The following DOCK3 variants were observed in gnomAD, a reference collection of about 807,000 sequenced individuals.
DOCK3 encodes dedicator of cytokinesis protein 3.
In DOCK3, 60 loss-of-function variants were observed where a neutral mutation model predicts 265.6. The ratio of observed to expected loss-of-function variants is 0.23; its 90% CI spans 0.18 to 0.28. DOCK3 has a LOEUF of 0.28. Among genes scored for constraint, DOCK3 ranks in the 10% least tolerant of loss-of-function variants. The pLI, the probability that DOCK3 is intolerant of heterozygous loss-of-function variation, is 1.00. For missense variants in DOCK3, 1,981 were observed against 2,594.3 expected, an observed-to-expected ratio of 0.76 and a Z score of 5.14; for synonymous variants, 881 against 938.0, an observed-to-expected ratio of 0.94 and a Z score of 1.11.
Position 51,277,686 on chromosome 3 carries a change from A to T in DOCK3, c.2755A>T (p.Met919Leu), listed in dbSNP as rs776605396. Residue 919 changes from methionine to leucine, a missense_variant, in exon 26 of 53, where the codon ATG becomes TTG. Met to Leu is a conservative substitution (Grantham distance 15). Around this residue, in one of 4 missense-constraint regions of DOCK3, gnomAD observed 1,357 missense variants for 1,866.8 expected, o/e 0.73. Coordinates refer to ENST00000266037, the MANE Select transcript of DOCK3 (RefSeq NM_004947.5). ...DVLLQTLLTI[M>L]SKSHAQEAVR... The stretch of plus-strand genomic sequence containing the variant: ...GCTCTTGCAGACTCTGCTCACCATC[A>T]TGAGCAAATCGCACGCTCAGGAGGC... The T allele has an allele frequency of 1.9e-6, 3 of 1,610,754 alleles. No individual in the cohort carries two copies. Among genetic ancestry groups the T allele is most frequent in the Admixed American group, 1.7e-5 (1 of 59,666 alleles).
chr3:50,864,618 G>A (rs1017728761), intron 3 of DOCK3, among the ~76,000 whole-genome samples: 10 of 151,812 alleles, frequency 6.6e-5, no homozygotes, highest in African/African-American at 2.4e-4. Flanking sequence ...GTTGATTTTT[G>A]TATATGGTTG....
intron 2 of DOCK3, among the ~76,000 whole-genome samples, chr3:50,801,791 T>G (rs1429382819): frequency 6.6e-6 from 1 of 152,144 alleles, no homozygotes; most frequent in Non-Finnish European, 1.5e-5. Flanking sequence ...TTGCTGAGAG[T>G]GGAGTGTTGA....
intron 14 of DOCK3, among the ~76,000 whole-genome samples, chr3:51,218,199 C>T (rs542376583): frequency 1.1e-4 from 16 of 152,024 alleles, no homozygotes; most frequent in South Asian, 4.2e-4. Context: ...TTTGGGAGGC[C>T]GAGGCAGGTG....
intron 32 of DOCK3, among the ~76,000 whole-genome samples, chr3:51,318,008 T>A (rs1018446297): frequency 5.9e-5 from 9 of 152,206 alleles, no homozygotes; most frequent in African/African-American, 1.2e-4. Context: ...TTTCCTTTTT[T>A]AAATAAATTT....
At chr3:51,328,287 C>G (rs1316536801) in intron 32 of DOCK3, among the ~76,000 whole-genome samples, 1 of 152,294 alleles carries the variant, frequency 6.6e-6, no homozygotes, top group East Asian at 1.9e-4. Context: ...AAGGCACAAT[C>G]TACCTATACC....
At chr3:51,312,101 A>G (rs1327018065) in intron 29 of DOCK3, 22 bp downstream of exon 29, 4 of 1,577,568 alleles carry the variant, frequency 2.5e-6, no homozygotes, top group Admixed American at 1.8e-5. Context: ...TGAAATATCC[A>G]TCACTATTAT....
At chr3:50,775,816 A>G (rs908011066) in intron 1 of DOCK3, among the ~76,000 whole-genome samples, 2 of 148,526 alleles carry the variant, frequency 1.3e-5, no homozygotes, top group African/African-American at 4.9e-5. Context: ...CGTAGCTCCC[A>G]CTTATAGATG....
intron 5 of DOCK3, among the ~76,000 whole-genome samples, chr3:51,009,530 A>G (rs1034084229): frequency 2.0e-5 from 3 of 151,970 alleles, no homozygotes; most frequent in Admixed American, 1.3e-4. Flanking sequence ...TATTCTTGCT[A>G]GCAGTCTATC....
At chr3:50,933,745 A>G (rs1559833125) in intron 4 of DOCK3, among the ~76,000 whole-genome samples, 1 of 152,204 alleles carries the variant, frequency 6.6e-6, no homozygotes, top group Non-Finnish European at 1.5e-5. Context: ...TAAGGATAGC[A>G]TTTATAAAAG....
At chr3:51,014,907 A>G (rs1055531785) in intron 5 of DOCK3, among the ~76,000 whole-genome samples, 6 of 152,020 alleles carry the variant, frequency 3.9e-5, no homozygotes, top group Non-Finnish European at 7.4e-5. Flanking sequence ...GGTACTGTAA[A>G]TGGGATTATT....
At chr3:50,821,441 A>G (rs1320988303) in intron 2 of DOCK3, among the ~76,000 whole-genome samples, 4 of 151,934 alleles carry the variant, frequency 2.6e-5, no homozygotes, top group Non-Finnish European at 5.9e-5. Context: ...CTGGGACTAC[A>G]GGTGACCGCC....
At chr3:50,797,064 G>C (rs1237988039) in intron 2 of DOCK3, among the ~76,000 whole-genome samples, 1 of 152,210 alleles carries the variant, frequency 6.6e-6, no homozygotes, top group Admixed American at 6.5e-5. Context: ...ATCCATGTTT[G>C]TTTGCATGTG....
At chr3:51,050,270 C>G (rs2080943092) in intron 5 of DOCK3, among the ~76,000 whole-genome samples, 1 of 152,088 alleles carries the variant, frequency 6.6e-6, no homozygotes, top group Non-Finnish European at 1.5e-5. Flanking sequence ...ACCTGTAGTC[C>G]TAGCTACTCG....
chr3:51,090,698 C>T (rs1299114516), intron 9 of DOCK3, among the ~76,000 whole-genome samples: 1 of 152,088 alleles, frequency 6.6e-6, no homozygotes, highest in Non-Finnish European at 1.5e-5. Flanking sequence ...AAACATAGAA[C>T]CAAACAAATG....
chr3:50,943,039 C>G (rs748727034), intron 5 of DOCK3, among the ~76,000 whole-genome samples: 10 of 151,848 alleles, frequency 6.6e-5, no homozygotes, highest in Non-Finnish European at 1.5e-4. Flanking sequence ...AAGAAACATG[C>G]TGTATGTTAA....
intron 25 of DOCK3, among the ~76,000 whole-genome samples, chr3:51,275,652 A>G (rs768032002): frequency 1.3e-5 from 2 of 152,160 alleles, no homozygotes; most frequent in Non-Finnish European, 1.5e-5. Flanking sequence ...ACTGTGCCAA[A>G]TGAGGTCAGG....
Position 51,053,098 on chromosome 3 carries a change from T to G in DOCK3, c.316-11350T>G, listed in dbSNP as rs1487531902. ...TCAAAGATATATATATATATATATA[T>G]ATATATATATATATATATATATATG... On this transcript the variant is annotated intron_variant, in intron 5 of 52. Transcript: ENST00000266037. 5.4e-5 allele frequency among the ~76,000 whole-genome samples: 5 copies of G among 92,426 alleles called. 2 individuals are homozygous for G. Among genetic ancestry groups the G allele is most frequent in the African/African-American group, 1.4e-4 (4 of 27,714 alleles). 60.6% of individuals were successfully genotyped at this position (92,426 alleles called of 152,430 possible). A position where few individuals can be genotyped will look rare whatever the true frequency, so the allele number is the denominator to read the frequency against.
intron 2 of DOCK3, among the ~76,000 whole-genome samples, chr3:50,801,890 T>C (rs562831861): frequency 6.6e-6 from 1 of 152,350 alleles, no homozygotes; most frequent in African/African-American, 2.4e-5. Context: ...TGATGTTGGG[T>C]GCATATATAT....
chr3:51,143,140 G>A (rs761528613), intron 9 of DOCK3, among the ~76,000 whole-genome samples: 41 of 151,182 alleles, frequency 2.7e-4, no homozygotes, highest in Middle Eastern at 3.5e-3. Context: ...GCCTGCCTCG[G>A]CCTCTCAAAG....
Sources: gnomAD v4.1 joint callset for allele counts (sites outside exome capture counted in the v4.1 genomes callset) on GRCh38, gnomAD v4.1.1 for gene constraint, gnomAD v4.1.1 regional missense constraint, MANE v1.5 for transcripts, NCBI Gene and HGNC (gene_info 2026-07-23, HGNC 2026-07-21) for gene names.